ARID1B: variants seen among roughly 807,000 people sequenced by gnomAD.
ARID1B encodes the protein AT-rich interaction domain 1B.
ARID1B carries 30 observed loss-of-function variants against 212.3 expected under a neutral mutation model. The observed-to-expected ratio is 0.14, with a 90% CI of 0.11 to 0.19. The LOEUF is 0.19. Among genes scored for constraint, ARID1B ranks in the 10% least tolerant of loss-of-function variants. The probability of loss-of-function intolerance (pLI) is 1.00; values close to 1 mark genes in which losing one functional copy is unlikely to be tolerated. For missense variants in ARID1B, 2,891 were observed against 3,204.0 expected (o/e 0.90, Z 2.36); for synonymous variants, 1,402 against 1,301.7 (o/e 1.08, Z -1.66).
intron 4 of ARID1B, among the ~76,000 whole-genome samples, chr6:156,952,324 A>G (rs1016205746): frequency 2.0e-5 from 3 of 152,238 alleles, no homozygotes; most frequent in South Asian, 2.1e-4. Context: ...AGTTAGGATG[A>G]TAACAGTTTG....
At chr6:156,861,506 G>A (rs1424840704) in intron 2 of ARID1B, among the ~76,000 whole-genome samples, 6 of 152,128 alleles carry the variant, frequency 3.9e-5, no homozygotes, top group Non-Finnish European at 5.9e-5. Context: ...AGCTACTCGG[G>A]AGGCTGAGGT....
rs557428310 is a variant in ARID1B at position 156,804,559 on chromosome 6, C to G, written c.1792-24668C>G. Among the ~76,000 whole-genome samples the G allele has an allele frequency of 5.9e-5, 9 of 152,182 alleles. No individual in the cohort carries two copies. In the South Asian group the frequency reaches 1.9e-3, roughly 32 times the overall value. ...CTTAGAATCATGGTAGAAGGCACCT[C>G]TTCACAGGGTGGCAGGGGAGAGAAT... On this transcript the variant is annotated intron_variant, in intron 1 of 19. Transcript: ENST00000636930.
chr6:157,196,583 C>T (rs959389246), intron 16 of ARID1B, among the ~76,000 whole-genome samples: 2 of 152,172 alleles, frequency 1.3e-5, no homozygotes, highest in South Asian at 2.1e-4. Flanking sequence ...CCACAAGTCA[C>T]GCTGGCACCC....
chr6:156,923,525 T>C (rs553680970), intron 3 of ARID1B, among the ~76,000 whole-genome samples: 14 of 152,210 alleles, frequency 9.2e-5, no homozygotes, highest in Non-Finnish European at 1.8e-4. Context: ...ATTTTCTTCA[T>C]AAGTAAAATA....
rs552016699 is a variant in ARID1B, at chr6:156,797,920, G to C, written c.1791+18449G>C. Among the ~76,000 whole-genome samples, 4 of 152,324 alleles carry C rather than the reference G, an allele frequency of 2.6e-5. No homozygotes were observed. In the South Asian group the frequency reaches 8.3e-4, roughly 32 times the overall value. On this transcript the variant is annotated intron_variant, in intron 1 of 19. Transcript: ENST00000636930. ...GAGAGCCAGAAAGGGCGATGGAAAA[G>C]CTGAGGAGAGTTCCACAGGGGGCAG...
At position 157,210,003 on chromosome 6, in the gene ARID1B, G is replaced by T. The variant is rs551102216; in HGVS notation, c.*2112G>T. 80 of 233,010 alleles carry T rather than the reference G, an allele frequency of 3.4e-4. No individual in the cohort carries two copies. Among genetic ancestry groups the T allele is most frequent in the African/African-American group, 1.7e-3 (75 of 45,392 alleles). The allele number at this position is 233,010 out of a possible 1,614,324, so 14.4% of individuals were successfully genotyped here. Reference sequence around the variant, plus strand: ...CCAGCCCCTCGCATACATTGTGTCGGTTCACATTACTCACAGTAATATATG... The same window carrying T: ...CCAGCCCCTCGCATACATTGTGTCGTTTCACATTACTCACAGTAATATATG... On this transcript the variant is annotated 3_prime_UTR_variant, in exon 20 of 20. Coordinates refer to ENST00000636930, the MANE Select transcript of ARID1B (RefSeq NM_001374828.1).
chr6:157,179,205 T>C lies in ARID1B; in HGVS notation c.3505-1764T>C, dbSNP rs1241757168. Among the ~76,000 whole-genome samples the C allele has an allele frequency of 2.6e-5, 4 of 152,140 alleles. 1 individual carries two copies. The highest frequency in any genetic ancestry group is 6.5e-5 in the Admixed American group (1 of 15,288). On this transcript the variant is annotated intron_variant, in intron 11 of 19. Coordinates refer to ENST00000636930, the MANE Select transcript of ARID1B (RefSeq NM_001374828.1). ...AAGAAAAAAACTCTATACTAAAATT[T>C]AGAAACCTCCTAATAATAACTGTCC...
At chr6:157,182,685 C>G in intron 12 of ARID1B, among the ~76,000 whole-genome samples, 1 of 152,170 alleles carries the variant, frequency 6.6e-6, no homozygotes, top group Non-Finnish European at 1.5e-5. Flanking sequence ...GGAACTGAGA[C>G]CTGTGACAGA....
At chr6:156,984,192 C>T (rs141032590) in intron 4 of ARID1B, among the ~76,000 whole-genome samples, 264 of 152,210 alleles carry the variant, frequency 1.7e-3, no homozygotes, top group African/African-American at 6.1e-3. Flanking sequence ...AGATGGGAAA[C>T]AGCACAGCAA....
intron 2 of ARID1B, among the ~76,000 whole-genome samples, chr6:156,834,648 T>C (rs1057393046): frequency 6.6e-6 from 1 of 152,252 alleles, no homozygotes; most frequent in African/African-American, 2.4e-5. Context: ...CTATGTTGTT[T>C]ACAGCATTTT....
intron 4 of ARID1B, among the ~76,000 whole-genome samples, chr6:156,976,085 G>C (rs1012387456): frequency 1.3e-5 from 2 of 152,038 alleles, no homozygotes; most frequent in Non-Finnish European, 2.9e-5. Context: ...CTGGGAGGGG[G>C]TGTATTGTCA....
chr6:157,090,515 C>T (rs1346802805), intron 5 of ARID1B, among the ~76,000 whole-genome samples: 1 of 152,222 alleles, frequency 6.6e-6, no homozygotes, highest in Non-Finnish European at 1.5e-5. Context: ...ATTAGGTCTT[C>T]ACGCTAGCAC....
intron 4 of ARID1B, among the ~76,000 whole-genome samples, chr6:156,966,776 C>G (rs1259611027): frequency 6.6e-6 from 1 of 152,236 alleles, no homozygotes; most frequent in African/African-American, 2.4e-5. Context: ...TCTCGGCTCA[C>G]TGCATCCTCC....
At position 156,948,917 on chromosome 6, in the gene ARID1B, A is replaced by G. The variant is rs563228089; in HGVS notation, c.2247+13341A>G. Among the ~76,000 whole-genome samples the G allele has an allele frequency of 7.9e-5, 12 of 152,376 alleles. No homozygotes were observed. In the South Asian group the frequency reaches 1.9e-3, roughly 24 times the overall value. On this transcript the variant is annotated intron_variant, in intron 4 of 19. Coordinates refer to ENST00000636930, the MANE Select transcript of ARID1B (RefSeq NM_001374828.1). Reference sequence around the variant, plus strand: ...GTTGCAGAATTCATACTTTCAGCACATATAATTTCACAGAAGTGTTTTGCC... The same window carrying G: ...GTTGCAGAATTCATACTTTCAGCACGTATAATTTCACAGAAGTGTTTTGCC...
intron 2 of ARID1B, among the ~76,000 whole-genome samples, chr6:156,885,797 G>A (rs989396656): frequency 2.0e-5 from 3 of 152,154 alleles, no homozygotes; most frequent in African/African-American, 7.2e-5. Flanking sequence ...AGTTTATCAT[G>A]TAAGTTAAGA....
intron 4 of ARID1B, among the ~76,000 whole-genome samples, chr6:156,988,520 G>A (rs1778075231): frequency 6.6e-6 from 1 of 152,118 alleles, no homozygotes; most frequent in Admixed American, 6.5e-5. Context: ...GTTTAAATGG[G>A]GGCAGCACAT....
chr6:156,889,720 A>G (rs1787779313), intron 2 of ARID1B, among the ~76,000 whole-genome samples: 1 of 152,202 alleles, frequency 6.6e-6, no homozygotes, highest in Non-Finnish European at 1.5e-5. Context: ...GTTTCACAAT[A>G]AAGGCGAACA....
At chr6:156,793,490 C>A (rs1488733596) in intron 1 of ARID1B, among the ~76,000 whole-genome samples, 1 of 152,108 alleles carries the variant, frequency 6.6e-6, no homozygotes, top group East Asian at 1.9e-4. Flanking sequence ...CACATGCCAC[C>A]ATGCCTGCCT....
intron 1 of ARID1B, among the ~76,000 whole-genome samples, chr6:156,813,042 ACACATACG>A (rs1427473728): frequency 1.4e-5 from 2 of 145,550 alleles, no homozygotes; most frequent in South Asian, 2.1e-4. Flanking sequence ...ATATATATAT[ACACATACG>A]TATGTATATA....
Sources: gnomAD v4.1 joint callset for allele counts (sites outside exome capture counted in the v4.1 genomes callset) on GRCh38, gnomAD v4.1.1 for gene constraint, MANE v1.5 for transcripts, NCBI Gene and HGNC (gene_info 2026-07-23, HGNC 2026-07-21) for gene names.